The following USP33 variants were observed in gnomAD, a reference collection of about 807,000 sequenced individuals.
USP33 encodes the protein ubiquitin carboxyl-terminal hydrolase 33.
A neutral mutation model predicts 124.2 loss-of-function variants in USP33; 46 were observed. The observed-to-expected ratio is 0.37, with a 90% CI of 0.29 to 0.47. The LOEUF (loss-of-function observed/expected upper bound fraction) is 0.47, where lower values mean the gene tolerates loss of function less well. Ranked by LOEUF, USP33 falls within the 20% of genes least tolerant of loss-of-function variation. The pLI, the probability that USP33 is intolerant of heterozygous loss-of-function variation, is 0.99. For synonymous variants in USP33, 350 were observed against 352.3 expected, an observed-to-expected ratio of 0.99 and a Z score of 0.07; for missense variants, 851 against 1,070.6, an observed-to-expected ratio of 0.79 and a Z score of 2.86.
chr1:77,739,850 C>T (rs994080055), intron 4 of USP33, among the ~76,000 whole-genome samples: 1 of 152,162 alleles, frequency 6.6e-6, no homozygotes, highest in African/African-American at 2.4e-5. Context: ...AAAGTCTAGC[C>T]TTTCACAACC....
chr1:77,726,829 C>T (rs1557842537), intron 10 of USP33, among the ~76,000 whole-genome samples: 1 of 152,028 alleles, frequency 6.6e-6, no homozygotes, highest in African/African-American at 2.4e-5. Context: ...AGGAAAGAAT[C>T]TTTTTTTAGA....
chr1:77,717,156 C>T (rs556817618), intron 17 of USP33, among the ~76,000 whole-genome samples: 1 of 152,192 alleles, frequency 6.6e-6, no homozygotes, highest in African/African-American at 2.4e-5. Flanking sequence ...TGAGCCACCA[C>T]ACCCAGCTAG....
At chr1:77,727,810 CT>C (rs1677330881) in intron 10 of USP33, among the ~76,000 whole-genome samples, 1 of 152,144 alleles carries the variant, frequency 6.6e-6, no homozygotes, top group South Asian at 2.1e-4. Context: ...GCCACATGCT[CT>C]TTCTCAAAGG....
chr1:77,698,658 G>A (rs945592908), intron 22 of USP33, among the ~76,000 whole-genome samples: 10 of 151,514 alleles, frequency 6.6e-5, no homozygotes, highest in Non-Finnish European at 7.4e-5. Flanking sequence ...CCACCACCAC[G>A]CCCAGCTAAT....
intron 1 of USP33, among the ~76,000 whole-genome samples, chr1:77,747,655 T>G (rs1356291669): frequency 6.6e-6 from 1 of 152,224 alleles, no homozygotes; most frequent in East Asian, 1.9e-4. Context: ...GGTCTTAATT[T>G]TTGTAAAATT....
intron 14 of USP33, 72 bp downstream of exon 14, chr1:77,721,759 C>CT: frequency 1.4e-6 from 2 of 1,380,654 alleles, no homozygotes; most frequent in Non-Finnish European, 2.0e-6. Context: ...TATGAATACA[C>CT]TTTATTATTT....
chr1:77,729,275 G>C (rs1677516699), intron 9 of USP33, among the ~76,000 whole-genome samples: 2 of 150,152 alleles, frequency 1.3e-5, no homozygotes, highest in Admixed American at 1.3e-4. Flanking sequence ...GCTTATGCTT[G>C]TAATCCTAAC....
Position 77,725,782 on chromosome 1 carries a change from CATT to C in USP33, c.1136-23_1136-21del, listed in dbSNP as rs768086871. The C allele has an allele frequency of 3.1e-6, 5 of 1,593,714 alleles. No individual in the cohort carries two copies. Among genetic ancestry groups the C allele is most frequent in the East Asian group, 2.2e-5 (1 of 44,488 alleles). On this transcript the variant is annotated intron_variant, in intron 10 of 23. Transcript: ENST00000370794. Reference sequence around the variant, plus strand: ...TATATTCTGTAAGATTTAAAATTTGCATTATTACCTTAAATAGTAAAATTATTC... The same window carrying C: ...TATATTCTGTAAGATTTAAAATTTGCATTACCTTAAATAGTAAAATTATTC...
At chr1:77,703,995 C>A (rs143487097) in intron 21 of USP33, among the ~76,000 whole-genome samples, 1 of 152,012 alleles carries the variant, frequency 6.6e-6, no homozygotes, top group African/African-American at 2.4e-5. Flanking sequence ...CGCCTATAGT[C>A]TCAGCTATTC....
chr1:77,730,617 C>A lies in USP33; in HGVS notation c.638+1G>T. Reference sequence around the variant, plus strand: ...GAAGAAGAGTATATTAAGTTACATACCTGCTTTTATGCCACAGCTCTGTCA... The same window carrying A: ...GAAGAAGAGTATATTAAGTTACATAACTGCTTTTATGCCACAGCTCTGTCA... On this transcript the variant is annotated splice_donor_variant, in intron 8 of 23. Coordinates refer to ENST00000370794, the MANE Select transcript of USP33 (RefSeq NM_201624.3). LOFTEE classifies it high-confidence loss of function. 1 of 1,544,692 alleles carries A rather than the reference C, an allele frequency of 6.5e-7. No individual in the cohort carries two copies. Among genetic ancestry groups the A allele is most frequent in the South Asian group, 1.3e-5 (1 of 77,980 alleles).
intron 21 of USP33, among the ~76,000 whole-genome samples, chr1:77,702,100 CCACTGTA>C (rs892908858): frequency 7.7e-6 from 1 of 129,798 alleles, no homozygotes; most frequent in Non-Finnish European, 1.5e-5. Flanking sequence ...CGTGATTGTG[CCACTGTA>C]CTCCAGCCTG....
chr1:77,698,489 A>G (rs1410626281), intron 22 of USP33, among the ~76,000 whole-genome samples: 3 of 149,702 alleles, frequency 2.0e-5, no homozygotes, highest in Non-Finnish European at 4.4e-5. Flanking sequence ...ACAGTTTAAC[A>G]GAAATGTTTT....
At chr1:77,712,079 CT>C (rs1675324652) in intron 20 of USP33, among the ~76,000 whole-genome samples, 1 of 152,160 alleles carries the variant, frequency 6.6e-6, no homozygotes, top group Admixed American at 6.5e-5. Context: ...TCCCTTATTT[CT>C]GCTCCAAAAT....
At chr1:77,734,779 T>G (rs1460927172) in intron 6 of USP33, among the ~76,000 whole-genome samples, 1 of 152,226 alleles carries the variant, frequency 6.6e-6, no homozygotes, top group African/African-American at 2.4e-5. Context: ...CTCGTCATGA[T>G]AAATGATAAG....
intron 1 of USP33, among the ~76,000 whole-genome samples, chr1:77,746,948 A>C (rs1405404863): frequency 6.6e-6 from 1 of 152,238 alleles, no homozygotes; most frequent in East Asian, 1.9e-4. Flanking sequence ...ACAACCAGTA[A>C]GTTTGAATGT....
chr1:77,732,120 A>G (rs953910522), intron 7 of USP33, among the ~76,000 whole-genome samples: 3 of 151,928 alleles, frequency 2.0e-5, no homozygotes, highest in African/African-American at 7.3e-5. Context: ...AAAAAAAAAA[A>G]AAAAAACCAG....
intron 11 of USP33, among the ~76,000 whole-genome samples, chr1:77,724,164 G>T (rs1349478910): frequency 2.0e-5 from 3 of 152,114 alleles, no homozygotes; most frequent in Non-Finnish European, 4.4e-5. Flanking sequence ...AGCTAAAGAT[G>T]AAATAGAAGG....
At chr1:77,726,756 T>G (rs1453827823) in intron 10 of USP33, among the ~76,000 whole-genome samples, 1 of 151,910 alleles carries the variant, frequency 6.6e-6, no homozygotes, top group Admixed American at 6.6e-5. Context: ...AATCAAGAAA[T>G]GTAGGTATAA....
intron 16 of USP33, among the ~76,000 whole-genome samples, chr1:77,718,280 T>C (rs971990541): frequency 6.6e-6 from 1 of 152,214 alleles, no homozygotes; most frequent in African/African-American, 2.4e-5. Flanking sequence ...TATAACCTGC[T>C]TCCAGAGATG....
Sources: allele counts gnomAD v4.1 joint callset (sites outside exome capture counted in the v4.1 genomes callset), GRCh38; gene constraint gnomAD v4.1.1; transcripts MANE v1.5; gene names NCBI Gene and HGNC (gene_info 2026-07-23, HGNC 2026-07-21).